HTR3E: variants seen among roughly 807,000 people sequenced by gnomAD.
HTR3E encodes 5-hydroxytryptamine (serotonin) receptor 3, family member E.
In HTR3E, 38 loss-of-function variants were observed where a neutral mutation model predicts 38.0. The observed-to-expected ratio is 1.00, with a 90% confidence interval of 0.77 to 1.31. HTR3E has a LOEUF of 1.31. HTR3E is among the 50% of genes most tolerant of loss of function. The probability of loss-of-function intolerance (pLI) is 0.00; values close to 1 mark genes in which losing one functional copy is unlikely to be tolerated. For synonymous variants in HTR3E, 210 were observed against 232.9 expected (o/e 0.90, Z 0.89); for missense variants, 547 against 585.2 (o/e 0.93, Z 0.67).
In HTR3E at chr3:184,104,844, C is replaced by T; in HGVS notation, c.447C>T (p.Arg149=). Reference sequence around the variant, plus strand: ...CAGCATATGTAAGTAATGAAGGTCGCATCAGGTATAAGAAACCCATGAAGG... The same window carrying T: ...CAGCATATGTAAGTAATGAAGGTCGTATCAGGTATAAGAAACCCATGAAGG... The part of the protein sequence containing the change: ...GLTAYVSNEG[R]IRYKKPMKVD... Residue 149 remains arginine (R), a synonymous_variant, in exon 5 of 9, where the codon CGC becomes CGT. Transcript: ENST00000415389. The T allele has an allele frequency of 6.2e-7, 1 of 1,614,026 alleles. No individual in the cohort carries two copies. Among genetic ancestry groups the T allele is most frequent in the Non-Finnish European group, 8.5e-7 (1 of 1,179,996 alleles).
At chr3:184,105,500 TATCTCCC>T in intron 6 of HTR3E, 73 bp downstream of exon 6, 1 of 1,489,408 alleles carries the variant, frequency 6.7e-7, no homozygotes, top group Non-Finnish European at 9.1e-7. Flanking sequence ...ATCAAATATG[TATCTCCC>T]AAGTTTCAGG....
rs1711989204 is a variant in HTR3E, at chr3:184,100,732, ATCCACATTTCTGCT to A, written c.234+85_234+98del. The A allele has an allele frequency of 1.9e-6, 3 of 1,546,086 alleles. No individual in the cohort carries two copies. The East Asian group carries it at 6.8e-5, about 35-fold the overall frequency. ...GGCAAAGTGGCCCCCCAAAGCCCTT[ATCCACATTTCTGCT>A]TCCTCCACCACTGCTGGATGGCATT... is the stretch of plus-strand genomic sequence containing the variant. On this transcript the variant is annotated intron_variant, in intron 2 of 8. Coordinates refer to ENST00000415389, the MANE Select transcript of HTR3E (RefSeq NM_001256613.2).
At chr3:184,100,905 T>C (rs1711997262) in intron 2 of HTR3E, among the ~76,000 whole-genome samples, 1 of 152,022 alleles carries the variant, frequency 6.6e-6, no homozygotes, top group Non-Finnish European at 1.5e-5. Flanking sequence ...AGGTTTTGAT[T>C]GGATGAAACC....
chr3:184,100,435 G>A, intron 1 of HTR3E, 50 bp from the exon 2 acceptor site: 1 of 1,595,150 alleles, frequency 6.3e-7, no homozygotes, highest in Non-Finnish European at 8.6e-7. Flanking sequence ...TCTCATATAG[G>A]GAGCACAGGG....
chr3:184,106,371 C>G lies in HTR3E; in HGVS notation c.1141+28C>G. On this transcript the variant is annotated intron_variant, in intron 8 of 8. Coordinates refer to ENST00000415389, the MANE Select transcript of HTR3E (RefSeq NM_001256613.2). The surrounding 1 kb of genome is among the most constrained non-coding windows in gnomAD (Gnocchi z 4.1). ...GAGGGAAGTCACATTCCTCTTCCCC[C>G]ACCTCCACTTCTCTGCTCCTGCCTC... is the stretch of plus-strand genomic sequence containing the variant. 6.3e-7 allele frequency: 1 copy of G among 1,587,506 alleles called. No individual in the cohort carries two copies. Among genetic ancestry groups the G allele is most frequent in the South Asian group, 1.1e-5 (1 of 88,468 alleles).
rs756363947 is a variant in HTR3E at position 184,101,529 on chromosome 3, G to C, written c.279G>C (p.Met93Ile). 2 of 1,610,220 alleles carry C rather than the reference G, an allele frequency of 1.2e-6. No homozygotes were observed. The highest frequency in any genetic ancestry group is 1.7e-6 in the Non-Finnish European group (2 of 1,176,432). Residue 93 changes from methionine to isoleucine, a missense_variant and splice_region_variant, in exon 3 of 9, where the codon ATG (methionine) becomes ATC (isoleucine). Transcript: ENST00000415389. ...HLLSSFLWLE[M>I]VWDNPFISWN... ...TGTCATCATTCCTGTGGCTGGAAAT[G>C]GTATGGACAACACTTTATTCTCTCC...
intron 1 of HTR3E, among the ~76,000 whole-genome samples, chr3:184,098,484 C>G (rs1054586059): frequency 2.6e-5 from 4 of 152,170 alleles, no homozygotes; most frequent in African/African-American, 4.8e-5. Flanking sequence ...AAGGCCAGCA[C>G]AGGGAAGAGA....
chr3:184,106,752 G>T lies in HTR3E; in HGVS notation c.*59G>T, dbSNP rs774713619. 8.0e-5 allele frequency: 125 copies of T among 1,559,078 alleles called. No homozygotes were observed. The highest frequency in any genetic ancestry group is 1.1e-4 in the Non-Finnish European group (122 of 1,138,388). On this transcript the variant is annotated 3_prime_UTR_variant, in exon 9 of 9. Transcript: ENST00000415389. The surrounding 1 kb of genome is among the most constrained non-coding windows in gnomAD (Gnocchi z 4.1). ...TTCTCTTGCCTCCAGGGACTGGCCAGGTCTCCCCCCTTTCCTGAGTACCAA... is the reference window on the plus strand; with the variant it reads ...TTCTCTTGCCTCCAGGGACTGGCCATGTCTCCCCCCTTTCCTGAGTACCAA...
At chr3:184,100,398 C>T (rs1450524797) in intron 1 of HTR3E, 87 bp from the exon 2 acceptor site, 4 of 1,613,718 alleles carry the variant, frequency 2.5e-6, no homozygotes, top group Admixed American at 3.3e-5. Context: ...TTATCACGGG[C>T]GACCCCACGC....
chr3:184,100,130 T>C, intron 1 of HTR3E: 2 of 1,328,064 alleles, frequency 1.5e-6, no homozygotes, highest in Non-Finnish European at 1.9e-6. Context: ...ATTCTTCATC[T>C]CATCCCTGGG....
chr3:184,105,465 A>G, intron 6 of HTR3E, 38 bp downstream of exon 6: 1 of 1,564,294 alleles, frequency 6.4e-7, no homozygotes, highest in Non-Finnish European at 8.6e-7. Context: ...TTCCTCCCGC[A>G]CTTTTACCCT....
intron 1 of HTR3E, among the ~76,000 whole-genome samples, chr3:184,099,237 T>A (rs979670391): frequency 4.6e-5 from 7 of 150,940 alleles, no homozygotes; most frequent in African/African-American, 1.2e-4. Context: ...TCTACAAAAA[T>A]TTTTTAAAAA....
At position 184,106,547 on chromosome 3, in the gene HTR3E, G is replaced by A; in HGVS notation, c.1225G>A (p.Ala409Thr). 2 of 1,614,010 alleles carry A rather than the reference G, an allele frequency of 1.2e-6. No individual in the cohort carries two copies. The highest frequency in any genetic ancestry group is 1.7e-6 in the Non-Finnish European group (2 of 1,179,928). Residue 409 changes from alanine (A) to threonine (T), a missense_variant, in exon 9 of 9, where the codon GCC becomes ACC. By Grantham distance (58) the Ala-to-Thr change is moderately conservative. Transcript: ENST00000415389. The surrounding 1 kb of genome is among the most constrained non-coding windows in gnomAD (Gnocchi z 4.1). The part of the protein sequence containing the change: ...ELTGGSEWTR[A>T]QREHEAQKQH... The stretch of plus-strand genomic sequence containing the variant: ...GACAGGGGGCTCAGAATGGACAAGG[G>A]CCCAGCGGGAACACGAGGCCCAGAA...
At chr3:184,100,692 CT>C (rs768138063) in intron 2 of HTR3E, 41 bp downstream of exon 2, 9 of 1,588,228 alleles carry the variant, frequency 5.7e-6, no homozygotes, top group East Asian at 4.5e-5. Flanking sequence ...TGTCCTTAAC[CT>C]TTTTCCAGCC....
intron 4 of HTR3E, 106 bp downstream of exon 4, chr3:184,104,397 C>A: frequency 6.7e-7 from 1 of 1,494,384 alleles, no homozygotes. Flanking sequence ...GGCTAAGAAA[C>A]AACCAGAGAG....
At position 184,106,705 on chromosome 3, in the gene HTR3E, C is replaced by G; in HGVS notation, c.*12C>G. The G allele has an allele frequency of 1.2e-6, 2 of 1,613,366 alleles. No homozygotes were observed. The highest frequency in any genetic ancestry group is 1.7e-6 in the Non-Finnish European group (2 of 1,179,556). ...TCTGGAACACCTAGGCAGGTGCTCA[C>G]CTGCCAACTTCAGTCTGGAGCTTCT... On this transcript the variant is annotated 3_prime_UTR_variant, in exon 9 of 9. Transcript: ENST00000415389. The surrounding 1 kb of genome is among the most constrained non-coding windows in gnomAD (Gnocchi z 4.1).
chr3:184,103,892 C>A (rs916990099), intron 3 of HTR3E, among the ~76,000 whole-genome samples: 1 of 151,972 alleles, frequency 6.6e-6, no homozygotes, highest in African/African-American at 2.4e-5. Flanking sequence ...ATAATACAAT[C>A]ATCTAACCTC....
Position 184,100,554 on chromosome 3 carries a change from A to T in HTR3E, c.137A>T (p.Asn46Ile). ...GQHGADPTAL[N>I]SVFNRKPFRP... ...CACGGGGCGGATCCCACTGCTCTGA[A>T]TTCAGTGTTTAATAGAAAGCCCTTC... The change falls in exon 2 of 9, where the codon AAT becomes ATT. Residue 46 changes from asparagine to isoleucine, a missense_variant. By Grantham distance (149) the Asn-to-Ile change is moderately radical. Transcript: ENST00000415389. 1 of 1,614,050 alleles carries T rather than the reference A, an allele frequency of 6.2e-7. No individual in the cohort carries two copies. Among genetic ancestry groups the T allele is most frequent in the Non-Finnish European group, 8.5e-7 (1 of 1,180,008 alleles).
chr3:184,104,294 G>C lies in HTR3E; in HGVS notation c.389+3G>C. 6.2e-7 allele frequency: 1 copy of C among 1,607,452 alleles called. No homozygotes were observed. Among genetic ancestry groups the C allele is most frequent in the South Asian group, 1.1e-5 (1 of 89,850 alleles). ...CCAGACATTTTCATCATTGAACTGT[G>C]CGTATCAAGGGCTGGTCAGAGGGAA... On this transcript the variant is annotated splice_donor_region_variant and intron_variant, in intron 4 of 8. Coordinates refer to ENST00000415389, the MANE Select transcript of HTR3E (RefSeq NM_001256613.2).
Sources: allele counts gnomAD v4.1 joint callset (sites outside exome capture counted in the v4.1 genomes callset), GRCh38; gene constraint gnomAD v4.1.1; non-coding constraint Gnocchi (gnomAD v3.1); transcripts MANE v1.5; gene names NCBI Gene and HGNC (gene_info 2026-07-23, HGNC 2026-07-21).